Variants in HEPHL1 observed in about 807,000 individuals in gnomAD.
HEPHL1 encodes hephaestin like 1.
Under a neutral mutation model 122.0 loss-of-function variants are expected in HEPHL1, and 123 were observed. That is an observed-to-expected ratio of 1.01 (90% CI 0.87 to 1.17). HEPHL1 has a LOEUF of 1.17. HEPHL1 is among the 50% of genes most tolerant of loss of function. The probability of loss-of-function intolerance (pLI) is 0.00; values close to 1 mark genes in which losing one functional copy is unlikely to be tolerated. For missense variants in HEPHL1, 1,452 were observed against 1,430.5 expected, an observed-to-expected ratio of 1.01 and a Z score of -0.24; for synonymous variants, 527 against 508.9, an observed-to-expected ratio of 1.04 and a Z score of -0.48.
Position 94,096,855 on chromosome 11 carries a change from A to G in HEPHL1, c.2434+3215A>G, listed in dbSNP as rs555345044. On this transcript the variant is annotated intron_variant, in intron 13 of 19. Coordinates refer to ENST00000315765, the MANE Select transcript of HEPHL1 (RefSeq NM_001098672.2). ...TGGTAGTTTGTATTTCTGTGGGATC[A>G]GTGATGATATCCCCTTTATCATTTT... is the stretch of plus-strand genomic sequence containing the variant. 3.2e-4 allele frequency among the ~76,000 whole-genome samples: 49 copies of G among 152,232 alleles called. No individual in the cohort carries two copies. The South Asian group carries it at 0.01, about 32-fold the overall frequency.
At chr11:94,071,531 C>T (rs1435690459) in intron 6 of HEPHL1, among the ~76,000 whole-genome samples, 1 of 152,124 alleles carries the variant, frequency 6.6e-6, no homozygotes, top group Non-Finnish European at 1.5e-5. Flanking sequence ...TTCTAGAATT[C>T]TGAAGTGCCT....
chr11:94,093,095 C>T (rs943583419), intron 12 of HEPHL1, among the ~76,000 whole-genome samples: 7 of 102,038 alleles, frequency 6.9e-5, no homozygotes, highest in South Asian at 5.8e-4. Context: ...AGAGGGTGGA[C>T]GTGTATGTGT....
At chr11:94,086,481 G>A (rs1446977061) in intron 11 of HEPHL1, among the ~76,000 whole-genome samples, 1 of 152,186 alleles carries the variant, frequency 6.6e-6, no homozygotes, top group East Asian at 1.9e-4. Flanking sequence ...TAAAAATTCA[G>A]CCCTGATAAA....
chr11:94,103,318 A>T (rs900124298), intron 15 of HEPHL1, among the ~76,000 whole-genome samples: 2 of 151,236 alleles, frequency 1.3e-5, no homozygotes, highest in Non-Finnish European at 3.0e-5. Context: ...CTTGACTTAA[A>T]GTATGGGGAA....
Position 94,086,993 on chromosome 11 carries a change from C to T in HEPHL1, c.2080+804C>T, listed in dbSNP as rs566361302. Among the ~76,000 whole-genome samples the T allele has an allele frequency of 5.9e-5, 9 of 152,330 alleles. No individual in the cohort carries two copies. In the South Asian group the frequency reaches 1.9e-3, roughly 32 times the overall value. ...TACTAATGGATGTTCTACTTCTTTG[C>T]TTTCCACTGGAACTGCAGTTTAGAT... On this transcript the variant is annotated intron_variant, in intron 11 of 19. Transcript: ENST00000315765.
chr11:94,098,919 C>CT (rs1411360984), intron 13 of HEPHL1, among the ~76,000 whole-genome samples: 1 of 152,114 alleles, frequency 6.6e-6, no homozygotes, highest in Non-Finnish European at 1.5e-5. Flanking sequence ...TTCATCTAAT[C>CT]TTTTTTCAAG....
Position 94,104,748 on chromosome 11 carries a change from A to G in HEPHL1, c.2903A>G (p.His968Arg). 1 of 1,608,346 alleles carries G rather than the reference A, an allele frequency of 6.2e-7. No homozygotes were observed. The highest frequency in any genetic ancestry group is 1.1e-5 in the South Asian group (1 of 90,892). ...GATTTTGAGGAAAGCAACAGAATGCATGGTATATCCAAAGTTTAAAAAGAA... is the reference window on the plus strand; with the variant it reads ...GATTTTGAGGAAAGCAACAGAATGCGTGGTATATCCAAAGTTTAAAAAGAA... The part of the protein sequence containing the change: ...TDDFEESNRM[H>R]AINGKIFGNL... Residue 968 changes from histidine to arginine, a missense_variant and splice_region_variant, in exon 16 of 20, where the codon CAT becomes CGT. Transcript: ENST00000315765.
rs779275894 is a variant in HEPHL1 at position 94,086,106 on chromosome 11, T to C, written c.1997T>C (p.Ile666Thr). Residue 666 changes from isoleucine (I) to threonine (T), a missense_variant, in exon 11 of 20, where the codon ATC (isoleucine) becomes ACC (threonine). Physicochemically the swap from Ile to Thr is moderately conservative, Grantham distance 89. Coordinates refer to ENST00000315765, the MANE Select transcript of HEPHL1 (RefSeq NM_001098672.2). ...MHGIVFQGNT[I>T]HLRGTHRDSL... ...GGAATTGTTTTTCAAGGGAACACCATCCACCTACGAGGGACTCACCGAGAC... is the reference window on the plus strand; with the variant it reads ...GGAATTGTTTTTCAAGGGAACACCACCCACCTACGAGGGACTCACCGAGAC... The C allele has an allele frequency of 4.2e-5, 68 of 1,613,684 alleles. No homozygotes were observed. The highest frequency in any genetic ancestry group is 5.7e-5 in the Non-Finnish European group (67 of 1,179,852).
Position 94,066,692 on chromosome 11 carries a change from A to C in HEPHL1, c.809-804A>C, listed in dbSNP as rs1946037583. Among the ~76,000 whole-genome samples, 2 of 152,218 alleles carry C rather than the reference A, an allele frequency of 1.3e-5. 1 individual carries two copies. Among genetic ancestry groups the C allele is most frequent in the South Asian group, 4.1e-4 (2 of 4,826 alleles). On this transcript the variant is annotated intron_variant, in intron 4 of 19. Coordinates refer to ENST00000315765, the MANE Select transcript of HEPHL1 (RefSeq NM_001098672.2). ...TGATCAATTTATTTAAATTTACTAA[A>C]ATAATTTAGAATTAATTGTGCTGCC... is the stretch of plus-strand genomic sequence containing the variant.
In HEPHL1 at chr11:94,088,732, A is replaced by G. The variant is rs183605389; in HGVS notation, c.2081-23A>G. 3.4e-4 allele frequency: 545 copies of G among 1,590,860 alleles called. 1 individual carries two copies. In the East Asian group the frequency reaches 5.2e-3, roughly 15 times the overall value. On this transcript the variant is annotated intron_variant, in intron 11 of 19. Coordinates refer to ENST00000315765, the MANE Select transcript of HEPHL1 (RefSeq NM_001098672.2). Reference sequence around the variant, plus strand: ...ACAAAAATACCGAGCACCACACTCAATGCCGAGCCATTTCTCTTGCAGGTA... The same window carrying G: ...ACAAAAATACCGAGCACCACACTCAGTGCCGAGCCATTTCTCTTGCAGGTA...
chr11:94,048,966 A>C (rs1198338642), intron 2 of HEPHL1, among the ~76,000 whole-genome samples: 1 of 151,998 alleles, frequency 6.6e-6, no homozygotes, highest in East Asian at 2.0e-4. Flanking sequence ...CTAAAAATAC[A>C]AAAAATTAGC....
At chr11:94,104,329 CT>C (rs1450664872) in intron 15 of HEPHL1, among the ~76,000 whole-genome samples, 198 bp from the exon 16 acceptor site, 2 of 152,082 alleles carry the variant, frequency 1.3e-5, no homozygotes, top group Non-Finnish European at 2.9e-5. Flanking sequence ...CTGAAGACTT[CT>C]AGATACGGGA....
rs574613363 is a variant in HEPHL1, at chr11:94,021,460, T to C, written c.92T>C (p.Ile31Thr). The C allele has an allele frequency of 1.2e-5, 20 of 1,613,054 alleles. No individual in the cohort carries two copies. Among genetic ancestry groups the C allele is most frequent in the East Asian group, 4.5e-5 (2 of 44,866 alleles). Residue 31 changes from isoleucine (I) to threonine (T), a missense_variant, in exon 1 of 20, where the codon ATT becomes ACT. Coordinates refer to ENST00000315765, the MANE Select transcript of HEPHL1 (RefSeq NM_001098672.2). The stretch of plus-strand genomic sequence containing the variant: ...GGCACAGTTACCAGAACGTACTACA[T>C]TGGGATTGTGGAAGAATACTGGAAC... ...LVGTVTRTYY[I>T]GIVEEYWNYV...
intron 2 of HEPHL1, among the ~76,000 whole-genome samples, chr11:94,056,339 C>G (rs796697487): frequency 7.2e-5 from 11 of 152,206 alleles, no homozygotes; most frequent in African/African-American, 2.4e-4. Flanking sequence ...TTAGACCATT[C>G]ACAGTTAATG....
chr11:94,044,763 C>CTTT (rs112232970), intron 1 of HEPHL1, among the ~76,000 whole-genome samples: 22 of 136,384 alleles, frequency 1.6e-4, no homozygotes, highest in South Asian at 7.1e-4. Context: ...TTCTCCAAAC[C>CTTT]TTTTTTTTTT....
intron 5 of HEPHL1, among the ~76,000 whole-genome samples, 199 bp from the exon 6 acceptor site, chr11:94,070,175 T>C (rs1007239062): frequency 6.6e-6 from 1 of 152,154 alleles, no homozygotes; most frequent in Admixed American, 6.6e-5. Context: ...GTAAAAGTGA[T>C]TTACGTATTA....
intron 15 of HEPHL1, among the ~76,000 whole-genome samples, chr11:94,103,425 A>G (rs1267052633): frequency 6.6e-6 from 1 of 152,198 alleles, no homozygotes; most frequent in Non-Finnish European, 1.5e-5. Flanking sequence ...CAACAATAAA[A>G]TAAATATAAC....
rs932052484 is a variant in HEPHL1, at chr11:94,113,398, G to A, written c.*1504G>A. ...TGTCTCATCTTCATCTTCATGAGGGGAAATGGGTAATTGGATAGAAGCTAT... is the reference window on the plus strand; with the variant it reads ...TGTCTCATCTTCATCTTCATGAGGGAAAATGGGTAATTGGATAGAAGCTAT... On this transcript the variant is annotated 3_prime_UTR_variant, in exon 20 of 20. Transcript: ENST00000315765. 1.3e-5 allele frequency: 2 copies of A among 152,186 alleles called. No homozygotes were observed. The highest frequency in any genetic ancestry group is 1.3e-4 in the Admixed American group (2 of 15,278). The allele number at this position is 152,186 out of a possible 1,614,324, so 9.4% of individuals were successfully genotyped here. A position where few individuals can be genotyped will look rare whatever the true frequency, so the allele number is the denominator to read the frequency against.
chr11:94,035,129 C>A (rs1945710019), intron 1 of HEPHL1, among the ~76,000 whole-genome samples: 1 of 152,198 alleles, frequency 6.6e-6, no homozygotes, highest in South Asian at 2.1e-4. Context: ...CCTGTGATTT[C>A]CTGAACTGAC....
Sources: allele counts gnomAD v4.1 joint callset (sites outside exome capture counted in the v4.1 genomes callset), GRCh38; gene constraint gnomAD v4.1.1; transcripts MANE v1.5; gene names NCBI Gene and HGNC (gene_info 2026-07-23, HGNC 2026-07-21).